The following AFF3 variants were observed in gnomAD, a reference collection of about 807,000 sequenced individuals.
The protein encoded by AFF3 is ALF transcription elongation factor 3.
A neutral mutation model predicts 129.7 loss-of-function variants in AFF3; 32 were observed. The ratio of observed to expected loss-of-function variants is 0.25; its 90% CI spans 0.19 to 0.33. The LOEUF is 0.33. Among genes scored for constraint, AFF3 ranks in the 10% least tolerant of loss-of-function variants. AFF3 has a pLI of 1.00. For missense variants in AFF3, 1,373 were observed against 1,592.0 expected, an observed-to-expected ratio of 0.86 and a Z score of 2.34; for synonymous variants, 644 against 635.4, an observed-to-expected ratio of 1.01 and a Z score of -0.20.
chr2:99,704,924 C>T (rs1575747034), intron 11 of AFF3, among the ~76,000 whole-genome samples: 1 of 152,106 alleles, frequency 6.6e-6, no homozygotes, highest in East Asian at 1.9e-4. Context: ...AGATCTCGAT[C>T]TGGGAGGCAT....
chr2:99,909,896 C>T (rs765500528), intron 7 of AFF3, among the ~76,000 whole-genome samples: 19 of 152,152 alleles, frequency 1.2e-4, no homozygotes, highest in Admixed American at 2.6e-4. Flanking sequence ...TGGATAAACA[C>T]AGTGTTATGG....
intron 7 of AFF3, among the ~76,000 whole-genome samples, chr2:99,946,807 G>A (rs1675618950): frequency 6.6e-6 from 1 of 152,184 alleles, no homozygotes. Flanking sequence ...TAGGAGACTG[G>A]AGTATCTCAG....
intron 1 of AFF3, among the ~76,000 whole-genome samples, chr2:100,132,850 T>TA (rs1329332227): frequency 6.6e-6 from 1 of 151,888 alleles, no homozygotes; most frequent in African/African-American, 2.4e-5. Flanking sequence ...TTAAAAATTT[T>TA]AAAAAATTGA....
chr2:99,879,431 A>C (rs1692534369), intron 7 of AFF3, among the ~76,000 whole-genome samples: 1 of 152,200 alleles, frequency 6.6e-6, no homozygotes, highest in East Asian at 1.9e-4. Context: ...CAATATTAAT[A>C]ATATTAATGA....
At chr2:99,902,085 C>CT (rs1694383451) in intron 7 of AFF3, among the ~76,000 whole-genome samples, 1 of 151,592 alleles carries the variant, frequency 6.6e-6, no homozygotes, top group Admixed American at 6.6e-5. Context: ...CCACAGAACC[C>CT]TTGTGTGCGG....
intron 12 of AFF3, among the ~76,000 whole-genome samples, chr2:99,671,867 A>T (rs1410127559): frequency 6.6e-6 from 1 of 152,194 alleles, no homozygotes; most frequent in Non-Finnish European, 1.5e-5. Context: ...GAAAGTGATG[A>T]ATGTTAAGTG....
intron 7 of AFF3, among the ~76,000 whole-genome samples, chr2:99,996,601 C>T (rs1042917090): frequency 4.9e-5 from 7 of 143,888 alleles, no homozygotes; most frequent in South Asian, 2.2e-4. Flanking sequence ...AGGATGGTCT[C>T]GATCTCCTGA....
chr2:99,928,319 T>C (rs1305688198), intron 7 of AFF3, among the ~76,000 whole-genome samples: 2 of 152,156 alleles, frequency 1.3e-5, no homozygotes, highest in Non-Finnish European at 2.9e-5. Context: ...GTAAATGGCA[T>C]TATGTAAGTT....
intron 11 of AFF3, among the ~76,000 whole-genome samples, chr2:99,714,411 G>A (rs1027514744): frequency 1.1e-4 from 17 of 152,010 alleles, no homozygotes; most frequent in African/African-American, 4.1e-4. Context: ...TTTATTCTTG[G>A]TTTCCAATAG....
At chr2:99,882,908 T>C (rs566781820) in intron 7 of AFF3, among the ~76,000 whole-genome samples, 1 of 152,220 alleles carries the variant, frequency 6.6e-6, no homozygotes, top group Non-Finnish European at 1.5e-5. Flanking sequence ...AAGAAGCCAA[T>C]GTCCTGTGTT....
At chr2:99,777,637 T>A (rs905162167) in intron 8 of AFF3, among the ~76,000 whole-genome samples, 4 of 152,214 alleles carry the variant, frequency 2.6e-5, no homozygotes, top group Admixed American at 6.5e-5. Flanking sequence ...TCTTCATTCA[T>A]AACTCTTTCA....
chr2:99,719,346 T>A (rs1423360372), intron 11 of AFF3, among the ~76,000 whole-genome samples: 1 of 152,196 alleles, frequency 6.6e-6, no homozygotes, highest in Non-Finnish European at 1.5e-5. Flanking sequence ...GAATCAGATA[T>A]GCTAATATGT....
chr2:99,578,549 A>C, intron 17 of AFF3, 98 bp from the exon 18 acceptor site: 1 of 1,529,050 alleles, frequency 6.5e-7, no homozygotes, highest in Non-Finnish European at 8.8e-7. Flanking sequence ...TTGGCTCTAC[A>C]GAACATCTTT....
At chr2:100,021,769 G>A (rs549345498) in intron 4 of AFF3, among the ~76,000 whole-genome samples, 3 of 152,272 alleles carry the variant, frequency 2.0e-5, no homozygotes, top group East Asian at 3.9e-4. Flanking sequence ...TGAAAAAAGT[G>A]GGGCTTAGAA....
chr2:99,683,573 C>G (rs547777578), intron 11 of AFF3, among the ~76,000 whole-genome samples: 1 of 152,104 alleles, frequency 6.6e-6, no homozygotes, highest in African/African-American at 2.4e-5. Context: ...CCTCAGCCCC[C>G]CAAGTAGCTG....
chr2:99,565,667 T>G, intron 19 of AFF3, 44 bp from the exon 20 acceptor site: 1 of 1,585,734 alleles, frequency 6.3e-7, no homozygotes, highest in Non-Finnish European at 8.6e-7. Context: ...ACAATAGTTT[T>G]TTTTAAATGG....
rs543762922 is a variant in AFF3, at chr2:99,838,046, C to T, written c.874-522G>A. ...CTGAAAGACCAAAAAGAGAAACATC[C>T]TCTGGATGTTGGACTGGCATGTGGG... On this transcript the variant is annotated intron_variant, in intron 7 of 24. Transcript: ENST00000672756. Among the ~76,000 whole-genome samples the T allele has an allele frequency of 8.9e-4, 136 of 152,290 alleles. 1 individual carries two copies. Among genetic ancestry groups the T allele is most frequent in the African/African-American group, 2.4e-3 (99 of 41,562 alleles).
intron 8 of AFF3, among the ~76,000 whole-genome samples, chr2:99,789,452 A>AC (rs1190519477): frequency 2.7e-5 from 4 of 150,600 alleles, no homozygotes; most frequent in African/African-American, 9.7e-5. Flanking sequence ...TCACCAAAAA[A>AC]AAAAAAAAAA....
chr2:99,798,736 C>G (rs997313888), intron 8 of AFF3, among the ~76,000 whole-genome samples: 2 of 151,942 alleles, frequency 1.3e-5, no homozygotes, highest in African/African-American at 2.4e-5. Context: ...ACGGACCAAT[C>G]AATATGACGT....
Sources: allele counts gnomAD v4.1 joint callset (sites outside exome capture counted in the v4.1 genomes callset), GRCh38; gene constraint gnomAD v4.1.1; transcripts MANE v1.5; gene names NCBI Gene and HGNC (gene_info 2026-07-23, HGNC 2026-07-21).